The following CCSER1 variants were observed in gnomAD, a reference collection of about 807,000 sequenced individuals.
The protein encoded by CCSER1 is coiled-coil serine rich protein 1.
Under a neutral mutation model 82.0 loss-of-function variants are expected in CCSER1, and 41 were observed. The observed-to-expected ratio is 0.50, with a 90% CI of 0.39 to 0.65. CCSER1 has a LOEUF of 0.65. CCSER1 is among the 30% of genes least tolerant of loss of function. The pLI, the probability that CCSER1 is intolerant of heterozygous loss-of-function variation, is 0.00. For synonymous variants in CCSER1, 414 were observed against 383.9 expected (o/e 1.08, Z -0.92); for missense variants, 1,119 against 1,064.2 (o/e 1.05, Z -0.72).
intron 8 of CCSER1, among the ~76,000 whole-genome samples, chr4:90,844,689 T>G (rs1363329660): frequency 6.6e-6 from 1 of 152,194 alleles, no homozygotes; most frequent in Non-Finnish European, 1.5e-5. Flanking sequence ...TATCCTGCTT[T>G]TTTTTTCTCT....
intron 1 of CCSER1, among the ~76,000 whole-genome samples, chr4:90,193,282 C>T (rs2153398405): frequency 1.3e-5 from 2 of 152,178 alleles, no homozygotes; most frequent in Middle Eastern, 6.8e-3. Flanking sequence ...AAGTGCATAA[C>T]AGGTGCCTGG....
rs531950963 is a variant in CCSER1 at position 91,515,275 on chromosome 4, G to C, written c.2218-83297G>C. Among the ~76,000 whole-genome samples the C allele has an allele frequency of 2.0e-5, 3 of 152,144 alleles. No homozygotes were observed. In the East Asian group the frequency reaches 5.8e-4, roughly 29 times the overall value. Reference sequence around the variant, plus strand: ...TAATATAGGTAAAGTCAAGTCATGGGGGATTGGTGTACAGACTGTCTCATC... The same window carrying C: ...TAATATAGGTAAAGTCAAGTCATGGCGGATTGGTGTACAGACTGTCTCATC... On this transcript the variant is annotated intron_variant, in intron 10 of 10. Coordinates refer to ENST00000509176, the MANE Select transcript of CCSER1 (RefSeq NM_001145065.2).
At chr4:91,357,883 C>CT (rs1748958070) in intron 10 of CCSER1, among the ~76,000 whole-genome samples, 1 of 73,204 alleles carries the variant, frequency 1.4e-5, no homozygotes, top group African/African-American at 4.2e-5. Context: ...CCTGCCCCCC[C>CT]CCCCTTTTTT....
At chr4:91,009,007 A>G (rs1376243121) in intron 9 of CCSER1, among the ~76,000 whole-genome samples, 1 of 152,174 alleles carries the variant, frequency 6.6e-6, no homozygotes, top group Admixed American at 6.6e-5. Flanking sequence ...TGCAGGAACA[A>G]TGGTAAGCCT....
At position 90,158,863 on chromosome 4, in the gene CCSER1, G is replaced by A. The variant is rs56348002; in HGVS notation, c.-42+31032G>A. 5.2e-3 allele frequency among the ~76,000 whole-genome samples: 784 copies of A among 151,914 alleles called. 6 individuals are homozygous for A. Among genetic ancestry groups the A allele is most frequent in the African/African-American group, 0.018 (738 of 41,418 alleles). ...GCAATGCCTCACCCTGCTTCGGCTC[G>A]CGCAGGGTGTGCTGCACCCACTGTC... On this transcript the variant is annotated intron_variant, in intron 1 of 10. Coordinates refer to ENST00000509176, the MANE Select transcript of CCSER1 (RefSeq NM_001145065.2).
intron 4 of CCSER1, among the ~76,000 whole-genome samples, chr4:90,467,464 T>C (rs950386305): frequency 6.6e-5 from 10 of 151,870 alleles, no homozygotes; most frequent in African/African-American, 2.4e-4. Flanking sequence ...GGCGGGCCGA[T>C]CTCGAGGTCA....
chr4:91,302,936 T>C (rs1039661738), intron 10 of CCSER1, among the ~76,000 whole-genome samples: 6 of 151,984 alleles, frequency 3.9e-5, no homozygotes, highest in Admixed American at 1.3e-4. Context: ...CTAACTAGGG[T>C]ATAAACTCAA....
At chr4:90,565,861 T>C (rs1779303184) in intron 5 of CCSER1, among the ~76,000 whole-genome samples, 1 of 148,554 alleles carries the variant, frequency 6.7e-6, no homozygotes, top group Non-Finnish European at 1.5e-5. Context: ...TGAATCCCTC[T>C]TGATTTTTTT....
At chr4:90,542,547 A>G (rs1015597131) in intron 5 of CCSER1, among the ~76,000 whole-genome samples, 1 of 152,112 alleles carries the variant, frequency 6.6e-6, no homozygotes. Flanking sequence ...CTCAGTTATG[A>G]CAAACTGTGC....
intron 10 of CCSER1, among the ~76,000 whole-genome samples, chr4:91,402,744 A>G (rs920167275): frequency 6.6e-6 from 1 of 151,696 alleles, no homozygotes; most frequent in African/African-American, 2.4e-5. Context: ...GTTCTGTTCT[A>G]TTGGTCTATC....
intron 7 of CCSER1, among the ~76,000 whole-genome samples, chr4:90,769,564 C>T (rs1219823610): frequency 1.3e-5 from 2 of 152,146 alleles, no homozygotes; most frequent in East Asian, 3.9e-4. Flanking sequence ...TTTGTACCTG[C>T]CATTCCCCCC....
At chr4:91,215,288 T>A (rs1370737343) in intron 10 of CCSER1, among the ~76,000 whole-genome samples, 1 of 152,116 alleles carries the variant, frequency 6.6e-6, no homozygotes, top group Non-Finnish European at 1.5e-5. Flanking sequence ...CTTGAAAAAG[T>A]CCAGTGGAAT....
intron 8 of CCSER1, among the ~76,000 whole-genome samples, chr4:90,852,390 C>G (rs939090726): frequency 4.6e-5 from 7 of 152,184 alleles, no homozygotes; most frequent in African/African-American, 1.7e-4. Context: ...GGAAGGGACA[C>G]TCTTCTACGA....
intron 9 of CCSER1, among the ~76,000 whole-genome samples, chr4:91,033,958 A>C (rs1345048724): frequency 6.6e-6 from 1 of 152,202 alleles, no homozygotes; most frequent in African/African-American, 2.4e-5. Flanking sequence ...ATAAATACCA[A>C]CAAGGCAATA....
At chr4:90,190,486 G>A (rs1735424116) in intron 1 of CCSER1, among the ~76,000 whole-genome samples, 1 of 152,056 alleles carries the variant, frequency 6.6e-6, no homozygotes, top group Admixed American at 6.6e-5. Context: ...TTACACTAAA[G>A]GACAAAGCAT....
At chr4:91,173,649 G>T (rs1429707367) in intron 10 of CCSER1, among the ~76,000 whole-genome samples, 1 of 149,630 alleles carries the variant, frequency 6.7e-6, no homozygotes, top group African/African-American at 2.5e-5. Flanking sequence ...GGCATTCAGA[G>T]ATTTTGCTAC....
chr4:90,365,277 T>C (rs562505076), intron 3 of CCSER1, among the ~76,000 whole-genome samples: 3 of 152,018 alleles, frequency 2.0e-5, no homozygotes, highest in South Asian at 4.1e-4. Context: ...ATAAATTTTA[T>C]ATTTTTATAA....
Position 90,309,006 on chromosome 4 carries a change from C to T in CCSER1, c.722C>T (p.Ser241Phe). ...GATGTAACAGAACGGGCAGGAAGCT[C>T]TTTACAATCTCCTTTGCTTTCTGCT... is the stretch of plus-strand genomic sequence containing the variant. ...SVDVTERAGSSLQSPLLSADL... is the reference protein window; with the variant it reads ...SVDVTERAGSFLQSPLLSADL... Residue 241 changes from serine (S) to phenylalanine (F), a missense_variant, in exon 2 of 11, where the codon TCT becomes TTT. Ser to Phe is a radical substitution (Grantham distance 155). Transcript: ENST00000509176. 3 of 1,613,812 alleles carry T rather than the reference C, an allele frequency of 1.9e-6. No individual in the cohort carries two copies. Among genetic ancestry groups the T allele is most frequent in the Non-Finnish European group, 1.7e-6 (2 of 1,179,854 alleles).
chr4:91,139,626 A>G (rs1255539307), intron 10 of CCSER1, among the ~76,000 whole-genome samples: 1 of 152,186 alleles, frequency 6.6e-6, no homozygotes, highest in African/African-American at 2.4e-5. Flanking sequence ...AATAAAAGCT[A>G]TCTTTCAAGA....
Sources: gnomAD v4.1 joint callset for allele counts (sites outside exome capture counted in the v4.1 genomes callset) on GRCh38, gnomAD v4.1.1 for gene constraint, MANE v1.5 for transcripts, NCBI Gene and HGNC (gene_info 2026-07-23, HGNC 2026-07-21) for gene names.